Variants in CPQ observed in about 807,000 individuals in gnomAD.
CPQ encodes the protein Ser-Met dipeptidase.
In CPQ, 37 loss-of-function variants were observed where a neutral mutation model predicts 45.7. The observed-to-expected ratio is 0.81, with a 90% confidence interval of 0.62 to 1.07. The LOEUF (loss-of-function observed/expected upper bound fraction) is 1.07. Among genes scored for constraint, CPQ ranks in the 50% least tolerant of loss-of-function variants. The pLI is 0.00. For missense variants in CPQ, 537 were observed against 572.9 expected, an observed-to-expected ratio of 0.94 and a Z score of 0.64; for synonymous variants, 186 against 205.8, an observed-to-expected ratio of 0.90 and a Z score of 0.82.
chr8:97,121,583 C>T (rs1811703066), intron 7 of CPQ, among the ~76,000 whole-genome samples: 1 of 152,120 alleles, frequency 6.6e-6, no homozygotes, highest in Non-Finnish European at 1.5e-5. Flanking sequence ...TCTAGACAGA[C>T]ACTCAACATG....
At chr8:96,987,719 C>A (rs1004704381) in intron 5 of CPQ, among the ~76,000 whole-genome samples, 1 of 152,176 alleles carries the variant, frequency 6.6e-6, no homozygotes, top group Admixed American at 6.5e-5. Flanking sequence ...ACTCAGAGAA[C>A]TTTTAACCTA....
chr8:96,724,988 C>A (rs1809817691), intron 1 of CPQ, among the ~76,000 whole-genome samples: 1 of 152,096 alleles, frequency 6.6e-6, no homozygotes, highest in African/African-American at 2.4e-5. Context: ...GGGGAAAGAA[C>A]TTCCTATTCG....
At chr8:96,671,554 A>G (rs1176025273) in intron 1 of CPQ, among the ~76,000 whole-genome samples, 4 of 152,174 alleles carry the variant, frequency 2.6e-5, no homozygotes, top group African/African-American at 9.6e-5. Context: ...AGAAAAACAA[A>G]TGGCCTACCT....
intron 4 of CPQ, among the ~76,000 whole-genome samples, chr8:96,960,876 A>T (rs1473925822): frequency 6.6e-6 from 1 of 152,126 alleles, no homozygotes; most frequent in Non-Finnish European, 1.5e-5. Context: ...TTAATAATGC[A>T]TCACTAGGTC....
intron 4 of CPQ, among the ~76,000 whole-genome samples, chr8:96,911,486 C>G (rs1812664238): frequency 6.6e-6 from 1 of 152,160 alleles, no homozygotes; most frequent in South Asian, 2.1e-4. Flanking sequence ...TTTGCACTTT[C>G]CCAGCTTCTA....
intron 4 of CPQ, among the ~76,000 whole-genome samples, chr8:96,882,410 A>T (rs555894667): frequency 4.8e-4 from 73 of 152,228 alleles, no homozygotes; most frequent in Non-Finnish European, 9.3e-4. Flanking sequence ...AATCCTTCCC[A>T]GGTATTTTCC....
intron 7 of CPQ, among the ~76,000 whole-genome samples, chr8:97,114,379 G>A (rs1811548349): frequency 6.6e-6 from 1 of 152,152 alleles, no homozygotes; most frequent in South Asian, 2.1e-4. Flanking sequence ...ATGAACTTGA[G>A]CTATTTGCAT....
intron 4 of CPQ, among the ~76,000 whole-genome samples, chr8:96,905,759 CCAAAAAAAAA>C (rs1043560760): frequency 1.7e-5 from 2 of 115,712 alleles, no homozygotes; most frequent in Non-Finnish European, 1.8e-5. Flanking sequence ...CCTGTCTTAA[CCAAAAAAAAA>C]AAAAAAAAAA....
At chr8:96,880,517 TCATATATATATATATATA>T (rs1216290855) in intron 4 of CPQ, among the ~76,000 whole-genome samples, 4 of 76,552 alleles carry the variant, frequency 5.2e-5, no homozygotes, top group East Asian at 3.2e-4. Context: ...AAATATATGG[TCATATATATATATATATA>T]TATATATATA....
chr8:96,958,607 C>A, intron 4 of CPQ, among the ~76,000 whole-genome samples: 1 of 152,184 alleles, frequency 6.6e-6, no homozygotes, highest in East Asian at 1.9e-4. Context: ...TGCAAATCCA[C>A]TGCAATCACA....
At chr8:97,125,796 G>C (rs1026625789) in intron 7 of CPQ, among the ~76,000 whole-genome samples, 1 of 152,142 alleles carries the variant, frequency 6.6e-6, no homozygotes, top group African/African-American at 2.4e-5. Context: ...TTCCTACTAC[G>C]ATGGGGAATA....
chr8:96,849,790 A>G (rs1811746739), intron 3 of CPQ, among the ~76,000 whole-genome samples: 1 of 152,084 alleles, frequency 6.6e-6, no homozygotes, highest in Non-Finnish European at 1.5e-5. Flanking sequence ...GTGGCTTGGC[A>G]CTTGGAATTC....
At chr8:97,058,874 A>G (rs554456567) in intron 6 of CPQ, among the ~76,000 whole-genome samples, 1 of 152,296 alleles carries the variant, frequency 6.6e-6, no homozygotes, top group Admixed American at 6.5e-5. Flanking sequence ...TTTGCTATGT[A>G]AGCCTTTTTT....
intron 7 of CPQ, among the ~76,000 whole-genome samples, chr8:97,102,254 T>C (rs1380505388): frequency 6.6e-6 from 1 of 152,170 alleles, no homozygotes; most frequent in Non-Finnish European, 1.5e-5. Context: ...GCTCGATAAT[T>C]TCTTACGGGC....
At chr8:97,090,387 C>T (rs1431552957) in intron 7 of CPQ, among the ~76,000 whole-genome samples, 1 of 152,162 alleles carries the variant, frequency 6.6e-6, no homozygotes, top group Non-Finnish European at 1.5e-5. Context: ...GAACAAAATA[C>T]CAATTGAAAA....
rs532615132 is a variant in CPQ at position 96,725,191 on chromosome 8, G to A, written c.-34-59673G>A. On this transcript the variant is annotated intron_variant, in intron 1 of 7. Coordinates refer to ENST00000220763, the MANE Select transcript of CPQ (RefSeq NM_016134.4). ...GCTTTGGCAAATAATTTTTGGCTAA[G>A]TCCTCAAAAACAATTGCAACAAAAA... 1.1e-3 allele frequency among the ~76,000 whole-genome samples: 172 copies of A among 152,204 alleles called. 2 individuals are homozygous for A. Among genetic ancestry groups the A allele is most frequent in the African/African-American group, 3.9e-3 (164 of 41,542 alleles).
chr8:96,738,161 G>C (rs1472040685), intron 1 of CPQ, among the ~76,000 whole-genome samples: 1 of 152,000 alleles, frequency 6.6e-6, no homozygotes, highest in Non-Finnish European at 1.5e-5. Context: ...TTTATAAACC[G>C]TGTGTGCTTG....
intron 5 of CPQ, among the ~76,000 whole-genome samples, chr8:96,978,609 T>C (rs1330894875): frequency 6.6e-6 from 1 of 152,220 alleles, no homozygotes; most frequent in East Asian, 1.9e-4. Flanking sequence ...GGCCCCCTTT[T>C]CTACAGCATG....
chr8:96,954,251 TTTTC>T (rs1007611739), intron 4 of CPQ, among the ~76,000 whole-genome samples: 2 of 152,150 alleles, frequency 1.3e-5, no homozygotes, highest in Non-Finnish European at 2.9e-5. Flanking sequence ...AAAAGTCCAC[TTTTC>T]TTTCTTTTTT....
Sources: gnomAD v4.1 joint callset for allele counts (sites outside exome capture counted in the v4.1 genomes callset) on GRCh38, gnomAD v4.1.1 for gene constraint, MANE v1.5 for transcripts, NCBI Gene and HGNC (gene_info 2026-07-23, HGNC 2026-07-21) for gene names.